The following NTNG1 variants were observed in gnomAD, a reference collection of about 807,000 sequenced individuals.
NTNG1 encodes the protein netrin-G1.
In NTNG1, 16 loss-of-function variants were observed where a neutral mutation model predicts 54.0. The observed-to-expected ratio is 0.30, with a 90% CI of 0.20 to 0.45. The LOEUF is 0.45. NTNG1 is among the 20% of genes least tolerant of loss of function. The pLI is 1.00. For synonymous variants in NTNG1, 255 were observed against 263.1 expected (o/e 0.97, Z 0.30); for missense variants, 530 against 678.7 (o/e 0.78, Z 2.43).
chr1:107,311,722 C>A (rs1404075588), intron 2 of NTNG1, among the ~76,000 whole-genome samples: 11 of 152,074 alleles, frequency 7.2e-5, no homozygotes, highest in African/African-American at 2.7e-4. Flanking sequence ...GCTTTTCTTA[C>A]TTTTCTTGAA....
intron 2 of NTNG1, among the ~76,000 whole-genome samples, chr1:107,242,303 G>GA (rs1001417801): frequency 2.0e-5 from 3 of 151,554 alleles, no homozygotes; most frequent in Admixed American, 1.3e-4. Flanking sequence ...GTGACAGAGT[G>GA]AAAAAAAAGA....
intron 2 of NTNG1, among the ~76,000 whole-genome samples, chr1:107,236,985 G>C: frequency 6.6e-6 from 1 of 152,292 alleles, no homozygotes; most frequent in South Asian, 2.1e-4. Context: ...ACCCCAAATT[G>C]TGGAAGCAAC....
At chr1:107,150,761 G>C (rs781238687) in intron 2 of NTNG1, among the ~76,000 whole-genome samples, 36 of 152,146 alleles carry the variant, frequency 2.4e-4, no homozygotes, top group African/African-American at 8.7e-4. Context: ...TCTTCAGCAT[G>C]CCTCTTCCTC....
At chr1:107,422,438 C>A (rs1204113034) in intron 5 of NTNG1, among the ~76,000 whole-genome samples, 3 of 152,030 alleles carry the variant, frequency 2.0e-5, no homozygotes, top group East Asian at 3.9e-4. Context: ...GGAATTTGAA[C>A]CTGCATCTCT....
rs931700014 is a variant in NTNG1, at chr1:107,373,673, A to T, written c.888-21481A>T. 3.5e-5 allele frequency among the ~76,000 whole-genome samples: 5 copies of T among 141,044 alleles called. No homozygotes were observed. In the East Asian group the frequency reaches 1.0e-3, roughly 29 times the overall value. 92.5% of individuals were successfully genotyped at this position (141,044 alleles called of 152,430 possible). A position where few individuals can be genotyped will look rare whatever the true frequency, so the allele number is the denominator to read the frequency against. ...CTTTTGTATGTCTGAAAATGTCTTTATTCAGCCTTCTTTTTTATTTTTTAT... is the reference window on the plus strand; with the variant it reads ...CTTTTGTATGTCTGAAAATGTCTTTTTTCAGCCTTCTTTTTTATTTTTTAT... On this transcript the variant is annotated intron_variant, in intron 3 of 7. Coordinates refer to ENST00000370068, the MANE Select transcript of NTNG1 (RefSeq NM_001113226.3).
chr1:107,203,357 A>G (rs965727296), intron 2 of NTNG1, among the ~76,000 whole-genome samples: 2 of 151,620 alleles, frequency 1.3e-5, no homozygotes, highest in African/African-American at 4.8e-5. Flanking sequence ...ATGATAGTAT[A>G]CCTTGAGATA....
At chr1:107,335,129 G>A (rs1486726169) in intron 3 of NTNG1, among the ~76,000 whole-genome samples, 1 of 151,940 alleles carries the variant, frequency 6.6e-6, no homozygotes, top group Non-Finnish European at 1.5e-5. Context: ...TTTATTATTT[G>A]TTTGATTGGT....
intron 4 of NTNG1, 56 bp from the exon 5 acceptor site, chr1:107,407,626 T>G: frequency 7.4e-7 from 1 of 1,355,122 alleles, no homozygotes; most frequent in Non-Finnish European, 1.0e-6. Context: ...AAGTTAAAGA[T>G]GTTATGTACT....
intron 3 of NTNG1, among the ~76,000 whole-genome samples, chr1:107,391,110 A>G (rs1672329238): frequency 6.6e-6 from 1 of 152,218 alleles, no homozygotes; most frequent in African/African-American, 2.4e-5. Flanking sequence ...TGCTGTAGGC[A>G]GAAGAAACAG....
chr1:107,350,453 A>G (rs1226640858), intron 3 of NTNG1, among the ~76,000 whole-genome samples: 1 of 152,162 alleles, frequency 6.6e-6, no homozygotes, highest in African/African-American at 2.4e-5. Context: ...TTAAATCTTT[A>G]TTCAACTACC....
Position 107,480,941 on chromosome 1 carries a change from C to G in NTNG1, c.*101C>G. The G allele has an allele frequency of 1.2e-6, 1 of 840,612 alleles. No homozygotes were observed. Among genetic ancestry groups the G allele is most frequent in the Non-Finnish European group, 1.9e-6 (1 of 531,958 alleles). 52.1% of individuals were successfully genotyped at this position (840,612 alleles called of 1,614,324 possible). A position where few individuals can be genotyped will look rare whatever the true frequency, so the allele number is the denominator to read the frequency against. On this transcript the variant is annotated 3_prime_UTR_variant, in exon 8 of 8. Transcript: ENST00000370068. The stretch of plus-strand genomic sequence containing the variant: ...AGGAAACACACACATACAGACACCC[C>G]CACTCAGACAGTGTACAAACTAAGA...
intron 3 of NTNG1, among the ~76,000 whole-genome samples, chr1:107,341,051 G>A (rs1668868814): frequency 6.6e-6 from 1 of 151,946 alleles, no homozygotes; most frequent in Non-Finnish European, 1.5e-5. Context: ...TGCTTTGAGA[G>A]GCCAAAGTGA....
At chr1:107,474,560 A>G (rs544883516) in intron 7 of NTNG1, among the ~76,000 whole-genome samples, 2 of 152,178 alleles carry the variant, frequency 1.3e-5, no homozygotes, top group Non-Finnish European at 2.9e-5. Context: ...GACTTATTCC[A>G]TTTTATGCAC....
At chr1:107,387,071 C>T (rs1672052704) in intron 3 of NTNG1, among the ~76,000 whole-genome samples, 1 of 152,196 alleles carries the variant, frequency 6.6e-6, no homozygotes, top group East Asian at 1.9e-4. Context: ...TATTCAGATT[C>T]TTCACCCATT....
intron 1 of NTNG1, among the ~76,000 whole-genome samples, chr1:107,142,492 C>T (rs991316209): frequency 1.3e-5 from 2 of 151,928 alleles, no homozygotes; most frequent in East Asian, 1.9e-4. Flanking sequence ...ACCCATTCTT[C>T]TCTTTATACA....
intron 2 of NTNG1, among the ~76,000 whole-genome samples, chr1:107,253,437 T>TA (rs1168201721): frequency 2.0e-5 from 3 of 152,260 alleles, no homozygotes; most frequent in Non-Finnish European, 4.4e-5. Context: ...CCTTTTATTC[T>TA]AAATTCTCAG....
intron 3 of NTNG1, among the ~76,000 whole-genome samples, chr1:107,381,978 C>A (rs2101036099): frequency 6.6e-6 from 1 of 152,148 alleles, no homozygotes; most frequent in East Asian, 1.9e-4. Flanking sequence ...GGCCCCAGGG[C>A]CAATTTTCAT....
At chr1:107,474,394 C>T (rs1037379437) in intron 7 of NTNG1, among the ~76,000 whole-genome samples, 1 of 152,166 alleles carries the variant, frequency 6.6e-6, no homozygotes, top group Non-Finnish European at 1.5e-5. Context: ...TAATTTGCAA[C>T]TATATGCAGG....
At chr1:107,477,841 G>T (rs763789681) in intron 7 of NTNG1, among the ~76,000 whole-genome samples, 2 of 152,100 alleles carry the variant, frequency 1.3e-5, no homozygotes, top group African/African-American at 2.4e-5. Flanking sequence ...ATAGCAGGGT[G>T]CCTGGCATAC....
Sources: allele counts gnomAD v4.1 joint callset (sites outside exome capture counted in the v4.1 genomes callset), GRCh38; gene constraint gnomAD v4.1.1; transcripts MANE v1.5; gene names NCBI Gene and HGNC (gene_info 2026-07-23, HGNC 2026-07-21).